TAF4B: variants seen among roughly 807,000 people sequenced by gnomAD.
TAF4B encodes the protein transcription initiation factor TFIID subunit 4B.
A neutral mutation model predicts 86.4 loss-of-function variants in TAF4B; 38 were observed. The ratio of observed to expected loss-of-function variants is 0.44; its 90% confidence interval spans 0.34 to 0.58. The LOEUF is 0.58. Among genes scored for constraint, TAF4B ranks in the 20% least tolerant of loss-of-function variants. TAF4B has a pLI of 0.02. For missense variants in TAF4B, 988 were observed against 1,027.6 expected (o/e 0.96, Z 0.53); for synonymous variants, 388 against 391.2 (o/e 0.99, Z 0.10).
At chr18:26,256,927 T>C (rs1464729098) in intron 1 of TAF4B, among the ~76,000 whole-genome samples, 1 of 152,110 alleles carries the variant, frequency 6.6e-6, no homozygotes, top group African/African-American at 2.4e-5. Context: ...TTGCCATTAC[T>C]TTCAATGGCG....
At position 26,251,244 on chromosome 18, in the gene TAF4B, T is replaced by G. The variant is rs954706928; in HGVS notation, c.344-13926T>G. 2.0e-5 allele frequency among the ~76,000 whole-genome samples: 3 copies of G among 152,140 alleles called. No homozygotes were observed. In the East Asian group the frequency reaches 5.8e-4, roughly 29 times the overall value. ...CTTGTGAAAGAGTGACACAAAGAAA[T>G]CTGCGTTTTCCTAACCCTGGACTAT... On this transcript the variant is annotated intron_variant, in intron 1 of 14. Coordinates refer to ENST00000269142, the MANE Select transcript of TAF4B (RefSeq NM_005640.3).
At chr18:26,230,557 G>A (rs1455126642) in intron 1 of TAF4B, among the ~76,000 whole-genome samples, 1 of 152,130 alleles carries the variant, frequency 6.6e-6, no homozygotes, top group African/African-American at 2.4e-5. Flanking sequence ...AAGTGATAGT[G>A]GCCATGGCAT....
At chr18:26,290,096 T>TA (rs2144606307) in intron 7 of TAF4B, among the ~76,000 whole-genome samples, 1 of 152,324 alleles carries the variant, frequency 6.6e-6, no homozygotes, top group South Asian at 2.1e-4. Flanking sequence ...GGTGCCATAG[T>TA]AAACTATGTG....
intron 9 of TAF4B, among the ~76,000 whole-genome samples, chr18:26,295,527 T>C (rs1169038428): frequency 6.6e-6 from 1 of 152,210 alleles, no homozygotes; most frequent in Non-Finnish European, 1.5e-5. Flanking sequence ...ACTCTAATGC[T>C]ACCACTGATC....
intron 1 of TAF4B, among the ~76,000 whole-genome samples, chr18:26,251,511 A>C (rs1394709981): frequency 6.6e-6 from 1 of 152,168 alleles, no homozygotes; most frequent in Non-Finnish European, 1.5e-5. Flanking sequence ...GAAGGGTAGA[A>C]TATGTAAATC....
chr18:26,303,351 C>T (rs1022669596), intron 9 of TAF4B, among the ~76,000 whole-genome samples: 1 of 128,914 alleles, frequency 7.8e-6, no homozygotes, highest in Admixed American at 7.5e-5. Flanking sequence ...TTTCATACCC[C>T]CTCCACTTTC....
chr18:26,290,238 C>T (rs1028505466), intron 7 of TAF4B, among the ~76,000 whole-genome samples: 2 of 152,082 alleles, frequency 1.3e-5, no homozygotes, highest in African/African-American at 4.8e-5. Context: ...CTCCTGGGCT[C>T]AAGCAATCCT....
intron 5 of TAF4B, among the ~76,000 whole-genome samples, chr18:26,280,908 A>G (rs751733396): frequency 6.6e-6 from 1 of 152,232 alleles, no homozygotes; most frequent in Non-Finnish European, 1.5e-5. Flanking sequence ...AGAGGTGTTA[A>G]TTGACAGTGG....
chr18:26,304,960 G>C, intron 9 of TAF4B: 1 of 785,558 alleles, frequency 1.3e-6, no homozygotes, highest in South Asian at 5.8e-5. Flanking sequence ...TACATATGCT[G>C]GACAGTAGTA....
In TAF4B at chr18:26,303,642, TCCA is replaced by T. The variant is rs1388142163; in HGVS notation, c.1832+10113_1832+10115del. The stretch of plus-strand genomic sequence containing the variant: ...ATCCTCCCTCCACTTTCATACCCCC[TCCA>T]CTTTCATACCCCCTCCACTTTCATA... On this transcript the variant is annotated intron_variant, in intron 9 of 14. Transcript: ENST00000269142. 5.1e-4 allele frequency among the ~76,000 whole-genome samples: 60 copies of T among 117,358 alleles called. 1 individual carries two copies. Among genetic ancestry groups the T allele is most frequent in the South Asian group, 3.7e-3 (11 of 2,960 alleles). 77.0% of individuals were successfully genotyped at this position (117,358 alleles called of 152,430 possible).
chr18:26,299,844 T>C (rs1358542972), intron 9 of TAF4B, among the ~76,000 whole-genome samples: 1 of 152,212 alleles, frequency 6.6e-6, no homozygotes, highest in Non-Finnish European at 1.5e-5. Context: ...TGAATGTGTA[T>C]AGATGCTTTA....
At chr18:26,227,614 A>T (rs568804249) in intron 1 of TAF4B, among the ~76,000 whole-genome samples, 8 of 152,122 alleles carry the variant, frequency 5.3e-5, no homozygotes, top group African/African-American at 1.7e-4. Context: ...ATACGCTTAG[A>T]TTATGTAGAA....
chr18:26,286,564 G>A (rs55819001), intron 7 of TAF4B, 65 bp downstream of exon 7: 35,786 of 1,509,298 alleles, frequency 0.024, 504 homozygotes, highest in Non-Finnish European at 0.028. Context: ...CAGAAAACTG[G>A]TAAGACTAGT....
chr18:26,282,343 G>A (rs898275761), intron 6 of TAF4B, among the ~76,000 whole-genome samples: 5 of 152,116 alleles, frequency 3.3e-5, no homozygotes, highest in African/African-American at 1.2e-4. Context: ...GGTACTGCAG[G>A]TTTGGTTTCA....
chr18:26,233,704 A>C (rs544156240), intron 1 of TAF4B, among the ~76,000 whole-genome samples: 32 of 152,278 alleles, frequency 2.1e-4, no homozygotes, highest in African/African-American at 7.0e-4. Flanking sequence ...TTAGGACTTA[A>C]ACCACTTCCT....
At chr18:26,287,906 A>T (rs1439984153) in intron 7 of TAF4B, among the ~76,000 whole-genome samples, 2 of 152,218 alleles carry the variant, frequency 1.3e-5, no homozygotes, top group Admixed American at 1.3e-4. Context: ...CCTGGGCACT[A>T]ATCTTTTCTC....
intron 12 of TAF4B, among the ~76,000 whole-genome samples, chr18:26,334,686 T>G (rs2057076579): frequency 6.6e-6 from 1 of 152,350 alleles, no homozygotes; most frequent in African/African-American, 2.4e-5. Flanking sequence ...TATTTTCTAC[T>G]TATAATTTTA....
At position 26,275,192 on chromosome 18, in the gene TAF4B, G is replaced by T; in HGVS notation, c.882+139G>T. 3 of 974,136 alleles carry T rather than the reference G, an allele frequency of 3.1e-6. No individual in the cohort carries two copies. In the South Asian group the frequency reaches 7.3e-5, roughly 24 times the overall value. The allele number at this position is 974,136 out of a possible 1,614,324, so 60.3% of individuals were successfully genotyped here. On this transcript the variant is annotated intron_variant, in intron 5 of 14. Transcript: ENST00000269142. ...ATGTTTTGAGACAGAGTCTCGCTCT[G>T]TTGCCCAAGCTGGAGTGCAGTGGCG...
intron 7 of TAF4B, among the ~76,000 whole-genome samples, chr18:26,288,650 A>G (rs1352153639): frequency 2.6e-5 from 4 of 152,150 alleles, no homozygotes; most frequent in African/African-American, 9.7e-5. Context: ...AAACAAAAAC[A>G]AAACAAAACA....
Sources: allele counts gnomAD v4.1 joint callset (sites outside exome capture counted in the v4.1 genomes callset), GRCh38; gene constraint gnomAD v4.1.1; transcripts MANE v1.5; gene names NCBI Gene and HGNC (gene_info 2026-07-23, HGNC 2026-07-21).